DISC1: variants seen among roughly 807,000 people sequenced by gnomAD.
The protein encoded by DISC1 is DISC1 scaffold protein, also known as disrupted in schizophrenia 1 protein.
Under a neutral mutation model 84.5 loss-of-function variants are expected in DISC1, and 57 were observed. The ratio of observed to expected loss-of-function variants is 0.67; its 90% CI spans 0.55 to 0.84. The LOEUF (loss-of-function observed/expected upper bound fraction) is 0.84. Among genes scored for constraint, DISC1 ranks in the 40% least tolerant of loss-of-function variants. The pLI is 0.00. For missense variants in DISC1, 1,000 were observed against 1,057.8 expected (o/e 0.95, Z 0.76); for synonymous variants, 411 against 415.2 (o/e 0.99, Z 0.12).
chr1:231,803,922 G>A lies in DISC1; in HGVS notation c.1792+3712G>A, dbSNP rs568073222. Among the ~76,000 whole-genome samples, 17 of 119,482 alleles carry A rather than the reference G, an allele frequency of 1.4e-4. No individual in the cohort carries two copies. In the South Asian group the frequency reaches 4.8e-3, roughly 34 times the overall value. 78.4% of individuals were successfully genotyped at this position (119,482 alleles called of 152,430 possible). ...ATATCGCGCCACTACACTCCAGCCT[G>A]GGTGACAGAGCAAGACTCCGTCTCA... On this transcript the variant is annotated intron_variant, in intron 8 of 12. Coordinates refer to ENST00000439617, the MANE Select transcript of DISC1 (RefSeq NM_018662.3).
chr1:231,733,886 G>C lies in DISC1; in HGVS notation c.1118-16040G>C, dbSNP rs575792934. On this transcript the variant is annotated intron_variant, in intron 3 of 12. Coordinates refer to ENST00000439617, the MANE Select transcript of DISC1 (RefSeq NM_018662.3). ...GTGGTGGTGACAGTTGTGATGGTTG[G>C]GGGGTGGTGATGGTAGAAGTGGTGG... 6.6e-5 allele frequency among the ~76,000 whole-genome samples: 10 copies of C among 151,202 alleles called. No individual in the cohort carries two copies. In the South Asian group the frequency reaches 2.1e-3, roughly 32 times the overall value.
intron 9 of DISC1, among the ~76,000 whole-genome samples, chr1:231,893,947 A>G (rs898482690): frequency 6.6e-6 from 1 of 152,244 alleles, no homozygotes; most frequent in African/African-American, 2.4e-5. Context: ...TCTTCTTATT[A>G]GAAATGATAT....
intron 3 of DISC1, among the ~76,000 whole-genome samples, chr1:231,708,804 T>C (rs1259021090): frequency 6.6e-6 from 1 of 152,208 alleles, no homozygotes; most frequent in Non-Finnish European, 1.5e-5. Flanking sequence ...TGGAAGCTCT[T>C]ATTTACATGA....
intron 1 of DISC1, among the ~76,000 whole-genome samples, chr1:231,640,548 A>ATTTTT: frequency 9.7e-6 from 1 of 102,652 alleles, no homozygotes; most frequent in African/African-American, 4.3e-5. Context: ...TTTTTTTTTG[A>ATTTTT]GACAAGGTCT....
chr1:231,907,131 C>CT (rs1334782802), intron 9 of DISC1, among the ~76,000 whole-genome samples: 6 of 93,196 alleles, frequency 6.4e-5, no homozygotes, highest in African/African-American at 1.4e-4. Flanking sequence ...TCCTTCCTTC[C>CT]TCTTTCTTTC....
At chr1:231,632,611 A>ATTTT in intron 1 of DISC1, among the ~76,000 whole-genome samples, 1 of 152,212 alleles carries the variant, frequency 6.6e-6, no homozygotes, top group Non-Finnish European at 1.5e-5. Context: ...AAAAGTGAGA[A>ATTTT]ACAGCAGCAG....
At chr1:231,892,066 C>A (rs567418915) in intron 9 of DISC1, among the ~76,000 whole-genome samples, 24 of 152,238 alleles carry the variant, frequency 1.6e-4, no homozygotes, top group African/African-American at 3.1e-4. Flanking sequence ...CTCCTGCCCC[C>A]CCACCACCTT....
intron 3 of DISC1, among the ~76,000 whole-genome samples, chr1:231,717,461 A>G (rs1178010864): frequency 1.3e-5 from 2 of 152,182 alleles, no homozygotes; most frequent in Non-Finnish European, 2.9e-5. Context: ...ACTGGTCAGA[A>G]AAGCCAAGGC....
chr1:231,811,253 A>G (rs775946876), intron 8 of DISC1, among the ~76,000 whole-genome samples: 2 of 152,224 alleles, frequency 1.3e-5, no homozygotes, highest in Non-Finnish European at 2.9e-5. Flanking sequence ...TTCTAGCTGA[A>G]GGGACCTCCA....
chr1:231,883,741 G>T (rs2086463499), intron 9 of DISC1, among the ~76,000 whole-genome samples: 1 of 152,160 alleles, frequency 6.6e-6, no homozygotes, highest in African/African-American at 2.4e-5. Context: ...AGTCTCACTT[G>T]CTGGCTTCTC....
rs1352473245 is a variant in DISC1, at chr1:231,826,330, C to T, written c.1981+7813C>T. Among the ~76,000 whole-genome samples the T allele has an allele frequency of 6.6e-6, 1 of 152,188 alleles. No individual in the cohort carries two copies. The highest frequency in any genetic ancestry group is 1.5e-5 in the Non-Finnish European group (1 of 68,036). The stretch of plus-strand genomic sequence containing the variant: ...GTCAGTCTCTCTATCCATCCCGCAA[C>T]CTCATCACCCTACCTAAATACCACA... On this transcript the variant is annotated intron_variant, in intron 9 of 12. Coordinates refer to ENST00000439617, the MANE Select transcript of DISC1 (RefSeq NM_018662.3). The surrounding 1 kb of genome is among the most constrained non-coding windows in gnomAD (Gnocchi z 4.2).
chr1:231,629,038 C>T (rs1014493201), intron 1 of DISC1, among the ~76,000 whole-genome samples: 2 of 152,188 alleles, frequency 1.3e-5, no homozygotes, highest in African/African-American at 2.4e-5. Context: ...GGCCCAACCT[C>T]CATCCTGCAT....
intron 1 of DISC1, among the ~76,000 whole-genome samples, chr1:231,628,552 C>T (rs2058450175): frequency 6.6e-6 from 1 of 152,192 alleles, no homozygotes; most frequent in South Asian, 2.1e-4. Flanking sequence ...TTACAGTCCT[C>T]ATTTCCCTAT....
rs570503624 is a variant in DISC1, at chr1:231,626,810, C to G, written c.-58C>G. 1 of 1,292,186 alleles carries G rather than the reference C, an allele frequency of 7.7e-7. No individual in the cohort carries two copies. The highest frequency in any genetic ancestry group is 1.0e-6 in the Non-Finnish European group (1 of 996,558). The allele number at this position is 1,292,186 out of a possible 1,614,324, so 80.0% of individuals were successfully genotyped here. On this transcript the variant is annotated 5_prime_UTR_variant, in exon 1 of 13. Transcript: ENST00000439617. ...CTGCTCCCTTCCCCCCGCCTCTGGCCTCGGGGAAGGAGCAGGAGGCAGCCC... is the reference window on the plus strand; with the variant it reads ...CTGCTCCCTTCCCCCCGCCTCTGGCGTCGGGGAAGGAGCAGGAGGCAGCCC...
chr1:231,795,133 C>T (rs2078656268), intron 6 of DISC1, 109 bp from the exon 7 acceptor site: 4 of 1,046,810 alleles, frequency 3.8e-6, no homozygotes, highest in African/African-American at 1.6e-5. Context: ...TCCTGCACTT[C>T]TTCGTCCATC....
chr1:231,978,861 A>G (rs55994162), intron 10 of DISC1, among the ~76,000 whole-genome samples: 26,598 of 152,140 alleles, frequency 0.17, 4,654 homozygotes, highest in African/African-American at 0.45. Flanking sequence ...CATACTCTAA[A>G]TCCTGTAGAT....
In DISC1 at chr1:232,028,146, T is replaced by C. The variant is rs112214371; in HGVS notation, c.2425+1594T>C. 7.3e-3 allele frequency among the ~76,000 whole-genome samples: 1,108 copies of C among 152,294 alleles called. 16 individuals are homozygous for C. Among genetic ancestry groups the C allele is most frequent in the African/African-American group, 0.025 (1,037 of 41,544 alleles). On this transcript the variant is annotated intron_variant, in intron 12 of 12. Transcript: ENST00000439617. ...AAGGATGGCGTTTTTATTTATTCCA[T>C]GTTCATGGGATCACAAATCTTTGAG... is the stretch of plus-strand genomic sequence containing the variant.
intron 1 of DISC1, among the ~76,000 whole-genome samples, chr1:231,662,002 G>C (rs996869742): frequency 9.9e-5 from 15 of 152,162 alleles, no homozygotes; most frequent in Non-Finnish European, 2.2e-4. Flanking sequence ...CTCTACCGTA[G>C]GGCTGCTGCA....
chr1:231,647,199 CTAACAT>C (rs1425736039), intron 1 of DISC1, among the ~76,000 whole-genome samples: 1 of 152,150 alleles, frequency 6.6e-6, no homozygotes, highest in African/African-American at 2.4e-5. Context: ...GGTTTTAGGT[CTAACAT>C]TTAAGTCTTT....
Sources: gnomAD v4.1 joint callset for allele counts (sites outside exome capture counted in the v4.1 genomes callset) on GRCh38, gnomAD v4.1.1 for gene constraint, Gnocchi (gnomAD v3.1) non-coding constraint, MANE v1.5 for transcripts, NCBI Gene and HGNC (gene_info 2026-07-23, HGNC 2026-07-21) for gene names.